The following MYO16 variants were observed in gnomAD, a reference collection of about 807,000 sequenced individuals.
The protein encoded by MYO16 is unconventional myosin-XVI.
In MYO16, 94 loss-of-function variants were observed where a neutral mutation model predicts 205.3. The ratio of observed to expected loss-of-function variants is 0.46; its 90% CI spans 0.39 to 0.54. MYO16 has a LOEUF of 0.54. Among genes scored for constraint, MYO16 ranks in the 20% least tolerant of loss-of-function variants. The pLI is 0.00. For missense variants in MYO16, 2,315 were observed against 2,387.5 expected (o/e 0.97, Z 0.63); for synonymous variants, 988 against 954.0 (o/e 1.04, Z -0.66).
chr13:108,565,912 G>T, the MYO16 span, among the ~76,000 whole-genome samples: 3 of 151,496 alleles, frequency 2.0e-5, no homozygotes, highest in Non-Finnish European at 4.4e-5. Context: ...TTTATCAAAT[G>T]TATTGTTGAA....
intron 21 of MYO16, among the ~76,000 whole-genome samples, chr13:108,996,297 A>G (rs976829402): frequency 6.6e-6 from 1 of 152,212 alleles, no homozygotes; most frequent in Non-Finnish European, 1.5e-5. Flanking sequence ...GACTTCTTCA[A>G]CATATAAAAT....
intron 15 of MYO16, among the ~76,000 whole-genome samples, chr13:108,904,941 A>T (rs1165231736): frequency 6.6e-6 from 1 of 152,214 alleles, no homozygotes; most frequent in African/African-American, 2.4e-5. Flanking sequence ...AAACTGTCTC[A>T]CCAAACATAC....
chr13:109,008,432 G>T (rs1885474333), intron 21 of MYO16, among the ~76,000 whole-genome samples: 1 of 127,160 alleles, frequency 7.9e-6, no homozygotes, highest in Admixed American at 7.8e-5. Context: ...TCTTGTGTAT[G>T]CACTACTGTA....
At chr13:108,593,183 G>A (rs1205454940), upstream of MYO16, among the ~76,000 whole-genome samples, 5 of 152,100 alleles carry the variant, frequency 3.3e-5, no homozygotes, top group Non-Finnish European at 7.4e-5. Context: ...CTTCAGAAAT[G>A]GAAAATTTAT....
intron 1 of MYO16, among the ~76,000 whole-genome samples, chr13:108,650,860 C>G (rs764162074): frequency 6.6e-6 from 1 of 152,138 alleles, no homozygotes; most frequent in Non-Finnish European, 1.5e-5. Context: ...CTGAAGGCAT[C>G]TGGAAACAGC....
intron 13 of MYO16, among the ~76,000 whole-genome samples, chr13:108,884,096 AGTT>A (rs1879743165): frequency 6.6e-6 from 1 of 152,220 alleles, no homozygotes; most frequent in Non-Finnish European, 1.5e-5. Flanking sequence ...GTAGCGCCTT[AGTT>A]GTTGTCAGTA....
the MYO16 span, among the ~76,000 whole-genome samples, chr13:108,498,250 C>T: frequency 6.6e-6 from 1 of 152,082 alleles, no homozygotes; most frequent in Non-Finnish European, 1.5e-5. Flanking sequence ...TAGAACGGTA[C>T]TTTCAAAATG....
chr13:108,565,348 T>G, the MYO16 span, among the ~76,000 whole-genome samples: 5 of 152,318 alleles, frequency 3.3e-5, no homozygotes, highest in East Asian at 9.6e-4. Context: ...TCCTCTTCAG[T>G]TTTTTCATCA....
chr13:109,023,295 C>G (rs1185539821), intron 23 of MYO16, among the ~76,000 whole-genome samples: 3 of 77,314 alleles, frequency 3.9e-5, no homozygotes, highest in African/African-American at 1.6e-4. Context: ...ATATATTATA[C>G]AGATATAAAT....
At chr13:108,519,649 C>CACACACACACACACACA in the MYO16 span, among the ~76,000 whole-genome samples, 420 of 118,572 alleles carry the variant, frequency 3.5e-3, 6 homozygotes, top group African/African-American at 0.01. Flanking sequence ...ACACACACAC[C>CACACACACACACACACA]CACACACACA....
intron 32 of MYO16, among the ~76,000 whole-genome samples, chr13:109,154,731 C>T (rs1413231283): frequency 2.0e-5 from 3 of 151,672 alleles, no homozygotes; most frequent in Non-Finnish European, 4.4e-5. Flanking sequence ...TGACACCGAC[C>T]GCGTACTTGG....
At chr13:108,604,308 G>C (rs1351254642) in intron 1 of MYO16, among the ~76,000 whole-genome samples, 2 of 152,132 alleles carry the variant, frequency 1.3e-5, no homozygotes, top group South Asian at 2.1e-4. Flanking sequence ...GGATATTTTG[G>C]TGAAAAAGAC....
intron 10 of MYO16, among the ~76,000 whole-genome samples, chr13:108,849,273 C>T (rs1022218713): frequency 1.3e-5 from 2 of 152,142 alleles, no homozygotes; most frequent in Non-Finnish European, 2.9e-5. Context: ...TCACTGCAAC[C>T]TCCGCCTCCC....
chr13:109,169,805 G>T (rs139580840), intron 33 of MYO16, among the ~76,000 whole-genome samples: 1 of 152,108 alleles, frequency 6.6e-6, no homozygotes, highest in Non-Finnish European at 1.5e-5. Flanking sequence ...CCAATGTCAC[G>T]TACACGCTTT....
At chr13:109,015,391 G>A (rs1291665832) in intron 22 of MYO16, among the ~76,000 whole-genome samples, 5 of 152,124 alleles carry the variant, frequency 3.3e-5, no homozygotes, top group Admixed American at 2.6e-4. Flanking sequence ...TTTTCGCATC[G>A]ATGTTCATCA....
intron 28 of MYO16, among the ~76,000 whole-genome samples, chr13:109,103,806 G>A (rs533578214): frequency 6.6e-6 from 1 of 152,204 alleles, no homozygotes; most frequent in East Asian, 1.9e-4. Context: ...TATTACTTTT[G>A]TATGCCGATC....
intron 21 of MYO16, among the ~76,000 whole-genome samples, chr13:108,998,426 A>C (rs574477114): frequency 6.6e-6 from 1 of 152,320 alleles, no homozygotes; most frequent in African/African-American, 2.4e-5. Context: ...GTAAGGTACA[A>C]ATGTTAAAAG....
chr13:108,613,829 A>G (rs1178129407), intron 1 of MYO16, among the ~76,000 whole-genome samples: 1 of 152,126 alleles, frequency 6.6e-6, no homozygotes, highest in Non-Finnish European at 1.5e-5. Flanking sequence ...TTGACAAAAT[A>G]TAACTCCCTT....
At chr13:108,545,268 G>C in the MYO16 span, among the ~76,000 whole-genome samples, 1 of 152,018 alleles carries the variant, frequency 6.6e-6, no homozygotes, top group Non-Finnish European at 1.5e-5. Flanking sequence ...TTTGTTTTTC[G>C]TTCCTTTGTT....
Sources: allele counts gnomAD v4.1 joint callset (sites outside exome capture counted in the v4.1 genomes callset), GRCh38; gene constraint gnomAD v4.1.1; transcripts MANE v1.5; gene names NCBI Gene and HGNC (gene_info 2026-07-23, HGNC 2026-07-21).